The following IL1RAPL2 variants were observed in gnomAD, a reference collection of about 807,000 sequenced individuals.
IL1RAPL2 encodes X-linked interleukin-1 receptor accessory protein-like 2.
In IL1RAPL2, 3 loss-of-function variants were observed where a neutral mutation model predicts 44.1. The ratio of observed to expected loss-of-function variants is 0.07; its 90% CI spans 0.03 to 0.18. The LOEUF (loss-of-function observed/expected upper bound fraction) is 0.18, where lower values mean the gene tolerates loss of function less well. Among genes scored for constraint, IL1RAPL2 ranks in the 10% least tolerant of loss-of-function variants. The pLI is 1.00. For synonymous variants in IL1RAPL2, 181 were observed against 178.8 expected, an observed-to-expected ratio of 1.01 and a Z score of -0.10; for missense variants, 391 against 496.4, an observed-to-expected ratio of 0.79 and a Z score of 2.02.
chrX:105,537,776 T>G lies in IL1RAPL2; in HGVS notation c.772+53389T>G, dbSNP rs550054074. 1.3e-3 allele frequency among the ~76,000 whole-genome samples: 143 copies of G among 111,179 alleles called. 2 individuals carry two copies. In the South Asian group the frequency reaches 0.053, roughly 41 times the overall value. On this transcript the variant is annotated intron_variant, in intron 6 of 10. Transcript: ENST00000372582. ...TAATGGGTGACAAATAATAAGTAGT[T>G]TTAAGTGTTTTCTATCATCATCATC...
At chrX:104,948,071 T>C (rs1925442508) in intron 2 of IL1RAPL2, among the ~76,000 whole-genome samples, 1 of 109,699 alleles carries the variant, frequency 9.1e-6, no homozygotes, top group Admixed American at 9.8e-5. Flanking sequence ...CTTCCATTTG[T>C]TTGTATCCTC....
intron 2 of IL1RAPL2, among the ~76,000 whole-genome samples, chrX:104,883,495 G>A (rs1212377259): frequency 1.8e-5 from 2 of 111,258 alleles, no homozygotes; most frequent in African/African-American, 3.3e-5. Flanking sequence ...GACCATGAGC[G>A]GAACTCTCGA....
chrX:105,568,342 T>G (rs2036989827), intron 6 of IL1RAPL2, among the ~76,000 whole-genome samples: 1 of 112,297 alleles, frequency 8.9e-6, no homozygotes. Flanking sequence ...AACATGGATT[T>G]ATTTTAAAAA....
chrX:104,836,109 C>T (rs1040108346), intron 2 of IL1RAPL2, among the ~76,000 whole-genome samples: 10 of 111,701 alleles, frequency 9.0e-5, no homozygotes, highest in African/African-American at 3.3e-4. Flanking sequence ...TCATTTGCAA[C>T]AACATAGATG....
At chrX:105,371,630 T>C (rs1028852902) in intron 5 of IL1RAPL2, among the ~76,000 whole-genome samples, 1 of 111,693 alleles carries the variant, frequency 9.0e-6, no homozygotes, top group African/African-American at 3.2e-5. Flanking sequence ...ACCAGATATG[T>C]TTAGAATATT....
intron 6 of IL1RAPL2, among the ~76,000 whole-genome samples, chrX:105,497,981 G>A (rs1182959608): frequency 8.9e-6 from 1 of 111,906 alleles, no homozygotes. Flanking sequence ...AGCTTTTCCT[G>A]TAAGTTGAAG....
intron 8 of IL1RAPL2, among the ~76,000 whole-genome samples, chrX:105,744,956 T>C (rs10218388): frequency 0.14 from 15,195 of 111,223 alleles, 869 homozygotes; most frequent in South Asian, 0.26. Flanking sequence ...TGCTTCACTC[T>C]GTCCCACCAT....
intron 5 of IL1RAPL2, among the ~76,000 whole-genome samples, chrX:105,278,223 G>A (rs2034501461): frequency 9.0e-6 from 1 of 111,658 alleles, no homozygotes; most frequent in Admixed American, 9.6e-5. Flanking sequence ...TAGAGCACAT[G>A]ACAGCAGTAT....
At chrX:105,633,194 G>A (rs191084240) in intron 6 of IL1RAPL2, among the ~76,000 whole-genome samples, 6 of 111,521 alleles carry the variant, frequency 5.4e-5, no homozygotes, top group East Asian at 2.8e-4. Context: ...TTATATAGTC[G>A]TTTAGATCAA....
At chrX:105,524,695 A>T (rs186777981) in intron 6 of IL1RAPL2, among the ~76,000 whole-genome samples, 37 of 110,883 alleles carry the variant, frequency 3.3e-4, no homozygotes, top group Non-Finnish European at 6.4e-4. Flanking sequence ...CATTATTTTA[A>T]AATGTTGCAC....
intron 5 of IL1RAPL2, among the ~76,000 whole-genome samples, chrX:105,442,070 T>A (rs867095062): frequency 9.6e-6 from 1 of 104,446 alleles, no homozygotes; most frequent in African/African-American, 4.0e-5. Flanking sequence ...ATTTTATTTT[T>A]TTTGGAGTCT....
At chrX:104,615,805 C>T (rs1929263392) in intron 1 of IL1RAPL2, among the ~76,000 whole-genome samples, 1 of 112,020 alleles carries the variant, frequency 8.9e-6, no homozygotes, top group Admixed American at 9.4e-5. Context: ...ATCACCACAC[C>T]ATCTTCCACA....
chrX:104,822,530 G>A (rs759611099), intron 2 of IL1RAPL2, among the ~76,000 whole-genome samples: 166 of 111,738 alleles, frequency 1.5e-3, no homozygotes, highest in Non-Finnish European at 2.8e-3. Flanking sequence ...GCTTGTTTTT[G>A]TCAGGTTTGT....
At chrX:104,621,303 G>A (rs116291857) in intron 1 of IL1RAPL2, among the ~76,000 whole-genome samples, 5,828 of 107,525 alleles carry the variant, frequency 0.054, 426 homozygotes, top group African/African-American at 0.19. Context: ...ATATATGTGT[G>A]CATATATATA....
At chrX:104,913,454 G>A (rs773807426) in intron 2 of IL1RAPL2, among the ~76,000 whole-genome samples, 1 of 111,580 alleles carries the variant, frequency 9.0e-6, no homozygotes, top group African/African-American at 3.3e-5. Context: ...ACTGGAAGGG[G>A]TATGTTCTGT....
In IL1RAPL2 at chrX:104,833,827, G is replaced by A. The variant is rs985074996; in HGVS notation, c.82+174832G>A. ...AGCCAAATCAATGTAAAAAGGAGAA[G>A]AAATCTATGAAGTTAAGAATCAACA... On this transcript the variant is annotated intron_variant, in intron 2 of 10. Coordinates refer to ENST00000372582, the MANE Select transcript of IL1RAPL2 (RefSeq NM_017416.2). 5.4e-5 allele frequency among the ~76,000 whole-genome samples: 6 copies of A among 112,140 alleles called. No homozygotes were observed. In the Admixed American group the frequency reaches 5.7e-4, roughly 11 times the overall value.
intron 6 of IL1RAPL2, among the ~76,000 whole-genome samples, chrX:105,537,801 CATT>C (rs1187588427): frequency 4.5e-5 from 5 of 110,886 alleles, no homozygotes; most frequent in Non-Finnish European, 7.5e-5. Flanking sequence ...TCATCATCAT[CATT>C]GTCATCTAGA....
intron 6 of IL1RAPL2, among the ~76,000 whole-genome samples, chrX:105,535,388 A>C (rs2036670115): frequency 8.9e-6 from 1 of 111,866 alleles, no homozygotes; most frequent in Non-Finnish European, 1.9e-5. Flanking sequence ...ATTCTGGAAA[A>C]AAGTTTGGCA....
At chrX:105,234,626 T>G (rs1470968230) in intron 4 of IL1RAPL2, among the ~76,000 whole-genome samples, 1 of 109,903 alleles carries the variant, frequency 9.1e-6, no homozygotes, top group African/African-American at 3.3e-5. Context: ...CTGGCCAATA[T>G]GGTGAAACCT....
Sources: gnomAD v4.1 joint callset for allele counts (sites outside exome capture counted in the v4.1 genomes callset) on GRCh38, gnomAD v4.1.1 for gene constraint, MANE v1.5 for transcripts, NCBI Gene and HGNC (gene_info 2026-07-23, HGNC 2026-07-21) for gene names.